The following ANAPC7 variants were observed in gnomAD, a reference collection of about 807,000 sequenced individuals.
ANAPC7 encodes the protein anaphase-promoting complex subunit 7.
A neutral mutation model predicts 63.3 loss-of-function variants in ANAPC7; 25 were observed. The observed-to-expected ratio is 0.39, with a 90% CI of 0.29 to 0.55. The LOEUF (loss-of-function observed/expected upper bound fraction) is 0.55, where lower values mean the gene tolerates loss of function less well. Among genes scored for constraint, ANAPC7 ranks in the 20% least tolerant of loss-of-function variants. The pLI is 0.57. For missense variants in ANAPC7, 516 were observed against 691.7 expected, an observed-to-expected ratio of 0.75 and a Z score of 2.85; for synonymous variants, 241 against 251.7, an observed-to-expected ratio of 0.96 and a Z score of 0.40.
intron 1 of ANAPC7, among the ~76,000 whole-genome samples, chr12:110,401,413 T>C (rs2062226448): frequency 6.6e-6 from 1 of 151,968 alleles, no homozygotes; most frequent in African/African-American, 2.4e-5. Flanking sequence ...GCGCTTTCAA[T>C]TGGTGGGTGA....
intron 1 of ANAPC7, among the ~76,000 whole-genome samples, chr12:110,398,249 AAAAAG>A: frequency 6.6e-6 from 1 of 152,192 alleles, no homozygotes; most frequent in Admixed American, 6.5e-5. Flanking sequence ...TGTCTCAAAA[AAAAAG>A]AAAACACAAA....
intron 8 of ANAPC7, among the ~76,000 whole-genome samples, chr12:110,379,596 C>G (rs1346347240): frequency 1.3e-5 from 2 of 152,166 alleles, no homozygotes; most frequent in African/African-American, 4.8e-5. Context: ...TTTGCTAGAG[C>G]TTCTTTCAGA....
Position 110,387,891 on chromosome 12 carries a change from G to A in ANAPC7, c.522C>T (p.Gly174=), listed in dbSNP as rs1328605699. 1 of 1,613,158 alleles carries A rather than the reference G, an allele frequency of 6.2e-7. No individual in the cohort carries two copies. The highest frequency in any genetic ancestry group is 8.5e-7 in the Non-Finnish European group (1 of 1,179,334). ...CCCCTTTTACAGAAAGGGACAACAA[G>A]CCTAAACCAACAGAAAGCAGAAGAA... ...QCPLALDAIL[G]LLSLSVKGAE... The change falls in exon 5 of 11, where the codon GGC becomes GGT. Residue 174 remains glycine (G), a splice_region_variant and synonymous_variant. Coordinates refer to ENST00000455511, the MANE Select transcript of ANAPC7 (RefSeq NM_016238.3).
rs2062265401 is a variant in ANAPC7, at chr12:110,403,605, C to T, written c.23G>A (p.Arg8Gln). The T allele has an allele frequency of 1.9e-6, 3 of 1,606,648 alleles. No homozygotes were observed. Among genetic ancestry groups the T allele is most frequent in the South Asian group, 2.2e-5 (2 of 89,764 alleles). Reference sequence around the variant, plus strand: ...GTGCAGCCCCGCGGCCGCCATGTCCCGCACGTGGTCTATCACATTCATCCT... The same window carrying T: ...GTGCAGCCCCGCGGCCGCCATGTCCTGCACGTGGTCTATCACATTCATCCT... MNVIDHV[R>Q]DMAAAGLHSN... is the part of the protein sequence containing the mutation. Residue 8 changes from arginine to glutamine, a missense_variant, in exon 1 of 11, where the codon CGG (arginine) becomes CAG (glutamine). Coordinates refer to ENST00000455511, the MANE Select transcript of ANAPC7 (RefSeq NM_016238.3).
chr12:110,374,649 GCAAA>G (rs1881091186), intron 10 of ANAPC7, among the ~76,000 whole-genome samples: 1 of 152,124 alleles, frequency 6.6e-6, no homozygotes, highest in Non-Finnish European at 1.5e-5. Flanking sequence ...TGAAAAAGTG[GCAAA>G]CAAACATTAC....
At chr12:110,398,822 G>C (rs553899983) in intron 1 of ANAPC7, among the ~76,000 whole-genome samples, 7 of 152,062 alleles carry the variant, frequency 4.6e-5, no homozygotes, top group African/African-American at 1.7e-4. Context: ...GCACATGCCT[G>C]TAATCCCAGC....
intron 3 of ANAPC7, among the ~76,000 whole-genome samples, chr12:110,394,007 C>T (rs1259739253): frequency 6.7e-6 from 1 of 148,528 alleles, no homozygotes; most frequent in Non-Finnish European, 1.5e-5. Flanking sequence ...ACCATCTCTA[C>T]TAAAAATACA....
intron 1 of ANAPC7, among the ~76,000 whole-genome samples, chr12:110,397,324 G>A (rs1270811575): frequency 2.0e-5 from 3 of 152,112 alleles, no homozygotes; most frequent in Non-Finnish European, 4.4e-5. Context: ...GGAGGCTGAG[G>A]CGGGCAGATC....
chr12:110,403,087 A>G (rs1248881381), intron 1 of ANAPC7, among the ~76,000 whole-genome samples: 3 of 152,042 alleles, frequency 2.0e-5, no homozygotes, highest in African/African-American at 7.2e-5. Context: ...CCCTCCTGAT[A>G]CACTTAACGG....
chr12:110,393,590 G>C (rs111438435), intron 3 of ANAPC7, among the ~76,000 whole-genome samples: 1 of 152,034 alleles, frequency 6.6e-6, no homozygotes. Context: ...AAAATTGGCC[G>C]GGCATGGTGG....
chr12:110,392,954 C>T (rs1338526184), intron 3 of ANAPC7, among the ~76,000 whole-genome samples: 2 of 152,110 alleles, frequency 1.3e-5, no homozygotes, highest in African/African-American at 2.4e-5. Flanking sequence ...CGCCACCACA[C>T]CCGGCTAATT....
At chr12:110,377,285 G>GCA in intron 9 of ANAPC7, 108 bp downstream of exon 9, 1 of 930,982 alleles carries the variant, frequency 1.1e-6, no homozygotes, top group Non-Finnish European at 1.6e-6. Context: ...GCTGCAAAAG[G>GCA]CACACACCTG....
Position 110,374,013 on chromosome 12 carries a change from G to A in ANAPC7, c.*131C>T. 1 of 1,058,020 alleles carries A rather than the reference G, an allele frequency of 9.5e-7. No homozygotes were observed. Among genetic ancestry groups the A allele is most frequent in the African/African-American group, 1.6e-5 (1 of 62,260 alleles). 65.5% of individuals were successfully genotyped at this position (1,058,020 alleles called of 1,614,324 possible). ...AGTCACGACTAGGAATTGGGAGCGA[G>A]GGGGCAGAGACCCCTGCTGCAATCA... On this transcript the variant is annotated 3_prime_UTR_variant, in exon 11 of 11. Coordinates refer to ENST00000455511, the MANE Select transcript of ANAPC7 (RefSeq NM_016238.3).
chr12:110,392,719 G>T (rs1044757963), intron 3 of ANAPC7, among the ~76,000 whole-genome samples: 2 of 152,042 alleles, frequency 1.3e-5, no homozygotes, highest in African/African-American at 4.8e-5. Flanking sequence ...TCACAAATTG[G>T]TAACTTGCCC....
At chr12:110,403,285 C>G (rs1253619628) in intron 1 of ANAPC7, among the ~76,000 whole-genome samples, 1 of 152,182 alleles carries the variant, frequency 6.6e-6, no homozygotes, top group Non-Finnish European at 1.5e-5. Context: ...TCCTCAGAGC[C>G]TCTGCCTTCT....
chr12:110,402,012 C>G (rs2138001871), intron 1 of ANAPC7, among the ~76,000 whole-genome samples: 1 of 138,538 alleles, frequency 7.2e-6, no homozygotes, highest in Non-Finnish European at 1.6e-5. Flanking sequence ...TCTGTTTCTA[C>G]TAAAATAACA....
At chr12:110,377,175 A>G (rs1017844386) in intron 9 of ANAPC7, among the ~76,000 whole-genome samples, 28 of 151,560 alleles carry the variant, frequency 1.8e-4, no homozygotes, top group African/African-American at 6.8e-4. Flanking sequence ...AGCCGAATAG[A>G]TACCAACCAA....
intron 5 of ANAPC7, chr12:110,387,239 CAGAGAGACAGAGAGACAGAGAGAGAG>C (rs1882548672): frequency 2.8e-5 from 1 of 35,286 alleles, no homozygotes; most frequent in East Asian, 1.1e-3. Flanking sequence ...GAGAGAGAGA[CAGAGAGACAGAGAGACAGAGAGAGAG>C]AGAGAGAGAG....
In ANAPC7 at chr12:110,384,633, G is replaced by A. The variant is rs925437168; in HGVS notation, c.818-1673C>T. Among the ~76,000 whole-genome samples the A allele has an allele frequency of 7.3e-5, 11 of 150,288 alleles. No homozygotes were observed. The East Asian group carries it at 2.1e-3, about 29-fold the overall frequency. Reference sequence around the variant, plus strand: ...CAGGAGGTGGAGGTTGCAGTGAGCCGAGATTGCACCACTGCACTCCAGCCT... The same window carrying A: ...CAGGAGGTGGAGGTTGCAGTGAGCCAAGATTGCACCACTGCACTCCAGCCT... On this transcript the variant is annotated intron_variant, in intron 6 of 10. Transcript: ENST00000455511.
Sources: allele counts gnomAD v4.1 joint callset (sites outside exome capture counted in the v4.1 genomes callset), GRCh38; gene constraint gnomAD v4.1.1; transcripts MANE v1.5; gene names NCBI Gene and HGNC (gene_info 2026-07-23, HGNC 2026-07-21).